CCDC12: variants seen among roughly 807,000 people sequenced by gnomAD.
The protein encoded by CCDC12 is coiled-coil domain containing 12.
CCDC12 carries 28 observed loss-of-function variants against 25.7 expected under a neutral mutation model. That is an observed-to-expected ratio of 1.09 (90% CI 0.81 to 1.50). CCDC12 has a LOEUF of 1.50. Among genes scored for constraint, CCDC12 ranks in the 40% most tolerant of loss-of-function variants. CCDC12 has a pLI of 0.00. For missense variants in CCDC12, 198 were observed against 210.0 expected, an observed-to-expected ratio of 0.94 and a Z score of 0.35; for synonymous variants, 75 against 87.7, an observed-to-expected ratio of 0.86 and a Z score of 0.81.
chr3:46,943,528 C>G (rs1280328532), intron 1 of CCDC12, among the ~76,000 whole-genome samples: 1 of 152,194 alleles, frequency 6.6e-6, no homozygotes, highest in Admixed American at 6.5e-5. Flanking sequence ...GTTCTGTTAA[C>G]CCGAACCACC....
intron 1 of CCDC12, among the ~76,000 whole-genome samples, chr3:46,951,798 A>AAAAAAAAAAAAAGAT: frequency 1.2e-4 from 1 of 8,476 alleles, no homozygotes; most frequent in Non-Finnish European, 2.8e-4. Context: ...AAAAAAAAAA[A>AAAAAAAAAAAAAGAT]ATATATATAT....
chr3:46,973,899 A>G (rs189370030), intron 1 of CCDC12, among the ~76,000 whole-genome samples: 1 of 152,148 alleles, frequency 6.6e-6, no homozygotes, highest in Admixed American at 6.5e-5. Context: ...GGCGTGAGCC[A>G]CCGCACCAGG....
At chr3:46,942,323 G>C (rs528798928) in intron 1 of CCDC12, among the ~76,000 whole-genome samples, 6 of 152,376 alleles carry the variant, frequency 3.9e-5, no homozygotes, top group South Asian at 2.1e-4. Context: ...TGCATGCCAG[G>C]GTTGGCACTC....
chr3:46,976,864 G>A (rs570196098), upstream of CCDC12: 23 of 1,436,784 alleles, frequency 1.6e-5, no homozygotes, highest in African/African-American at 2.8e-5. Context: ...ATCAATGCGG[G>A]GTTATTATGG....
At chr3:46,951,798 A>AAAAAAAATATATAT in intron 1 of CCDC12, among the ~76,000 whole-genome samples, 2 of 8,468 alleles carry the variant, frequency 2.4e-4, no homozygotes, top group South Asian at 0.019. Context: ...AAAAAAAAAA[A>AAAAAAAATATATAT]ATATATATAT....
At chr3:46,980,300 A>G (rs1439198036), upstream of CCDC12, among the ~76,000 whole-genome samples, 1 of 151,774 alleles carries the variant, frequency 6.6e-6, no homozygotes, top group Non-Finnish European at 1.5e-5. Flanking sequence ...GGGGAGGGGG[A>G]CTCAATTTGT....
intron 1 of CCDC12, among the ~76,000 whole-genome samples, chr3:46,958,133 G>C (rs945017791): frequency 7.2e-5 from 11 of 152,180 alleles, no homozygotes; most frequent in African/African-American, 2.7e-4. Flanking sequence ...AACAGGATCT[G>C]TTTAGGATTA....
At position 46,939,077 on chromosome 3, in the gene CCDC12, G is replaced by T. The variant is rs920399869; in HGVS notation, c.164+1921C>A. 4.6e-5 allele frequency among the ~76,000 whole-genome samples: 7 copies of T among 152,192 alleles called. 1 individual carries two copies. Among genetic ancestry groups the T allele is most frequent in the Admixed American group, 4.6e-4 (7 of 15,282 alleles). On this transcript the variant is annotated intron_variant, in intron 2 of 6. Transcript: ENST00000683445. Reference sequence around the variant, plus strand: ...TCCATGAGGGTAGGGGCTGTACTTTGTCTGCTGTTGCCTTCCAGGGGCCCA... The same window carrying T: ...TCCATGAGGGTAGGGGCTGTACTTTTTCTGCTGTTGCCTTCCAGGGGCCCA...
intron 2 of CCDC12, among the ~76,000 whole-genome samples, chr3:46,938,803 G>A (rs1384598913): frequency 6.6e-6 from 1 of 151,604 alleles, no homozygotes; most frequent in African/African-American, 2.4e-5. Context: ...AGTGAACTGA[G>A]ATAGCGCCAC....
upstream of CCDC12, chr3:46,979,925 C>A: frequency 2.7e-6 from 1 of 377,036 alleles, no homozygotes. Flanking sequence ...GAGCCCGCCC[C>A]GCCCCGCGCC....
At chr3:46,930,979 T>C (rs1559550229) in intron 2 of CCDC12, among the ~76,000 whole-genome samples, 1 of 152,220 alleles carries the variant, frequency 6.6e-6, no homozygotes, top group East Asian at 1.9e-4. Flanking sequence ...ATACATTGCC[T>C]CAAGCTGGAT....
intron 1 of CCDC12, among the ~76,000 whole-genome samples, chr3:46,963,748 T>G (rs1268666889): frequency 6.6e-6 from 1 of 152,256 alleles, no homozygotes; most frequent in African/African-American, 2.4e-5. Flanking sequence ...GGAGTCTCGT[T>G]CACTCAGTGC....
chr3:46,978,501 G>T (rs1203345431), upstream of CCDC12, among the ~76,000 whole-genome samples: 1 of 151,774 alleles, frequency 6.6e-6, no homozygotes, highest in Admixed American at 6.5e-5. Flanking sequence ...CAACACCAGG[G>T]GTTGGGTCCC....
intron 2 of CCDC12, 84 bp downstream of exon 2, chr3:46,940,913 GA>G: frequency 7.6e-7 from 1 of 1,321,656 alleles, no homozygotes; most frequent in Non-Finnish European, 1.1e-6. Context: ...GGCAGACACT[GA>G]ACAGAGTTGG....
At chr3:46,954,205 C>T (rs986656944) in intron 1 of CCDC12, among the ~76,000 whole-genome samples, 7 of 152,188 alleles carry the variant, frequency 4.6e-5, no homozygotes, top group Admixed American at 4.6e-4. Flanking sequence ...CATGTGGCTG[C>T]TACCTGACCA....
chr3:46,976,600 G>C (rs963579909), intron 1 of CCDC12, 37 bp downstream of exon 1: 1 of 1,591,194 alleles, frequency 6.3e-7, no homozygotes, highest in South Asian at 1.1e-5. Context: ...CCGAACGCTG[G>C]ACGCCTCAAC....
intron 1 of CCDC12, among the ~76,000 whole-genome samples, chr3:46,960,957 G>A (rs1049056047): frequency 6.6e-6 from 1 of 151,994 alleles, no homozygotes; most frequent in Admixed American, 6.6e-5. Context: ...TGTGGGTTGG[G>A]GGCATGTGGA....
At chr3:46,938,526 T>TTG (rs2033553200) in intron 2 of CCDC12, among the ~76,000 whole-genome samples, 1 of 144,680 alleles carries the variant, frequency 6.9e-6, no homozygotes, top group Non-Finnish European at 1.5e-5. Flanking sequence ...CTGTTTTTTT[T>TTG]TTTTTTTTTT....
intron 1 of CCDC12, among the ~76,000 whole-genome samples, chr3:46,942,996 C>T (rs894888622): frequency 6.6e-6 from 1 of 152,056 alleles, no homozygotes; most frequent in Non-Finnish European, 1.5e-5. Flanking sequence ...CCAGGTAAGA[C>T]AGTCAAGGCA....
Sources: gnomAD v4.1 joint callset for allele counts (sites outside exome capture counted in the v4.1 genomes callset) on GRCh38, gnomAD v4.1.1 for gene constraint, MANE v1.5 for transcripts, NCBI Gene and HGNC (gene_info 2026-07-23, HGNC 2026-07-21) for gene names.